CADPS2: variants seen among roughly 807,000 people sequenced by gnomAD.
CADPS2 encodes calcium dependent secretion activator 2.
CADPS2 carries 93 observed loss-of-function variants against 172.5 expected under a neutral mutation model. The ratio of observed to expected loss-of-function variants is 0.54; its 90% confidence interval spans 0.46 to 0.64. The LOEUF is 0.64. CADPS2 is among the 30% of genes least tolerant of loss of function. The pLI is 0.00. For synonymous variants in CADPS2, 546 were observed against 555.2 expected, an observed-to-expected ratio of 0.98 and a Z score of 0.23; for missense variants, 1,420 against 1,565.9, an observed-to-expected ratio of 0.91 and a Z score of 1.57.
At chr7:122,677,660 C>CAAT (rs1406356956) in intron 2 of CADPS2, among the ~76,000 whole-genome samples, 2 of 152,070 alleles carry the variant, frequency 1.3e-5, no homozygotes, top group African/African-American at 4.8e-5. Context: ...ACAACAACAA[C>CAAT]AATAAAAACC....
chr7:122,795,601 A>C (rs1339913387), intron 1 of CADPS2, among the ~76,000 whole-genome samples: 1 of 152,192 alleles, frequency 6.6e-6, no homozygotes, highest in Non-Finnish European at 1.5e-5. Flanking sequence ...AACAGAACTA[A>C]AGACAAAAAC....
chr7:122,332,520 G>A (rs1438195205), intron 28 of CADPS2, among the ~76,000 whole-genome samples: 6 of 151,516 alleles, frequency 4.0e-5, no homozygotes, highest in African/African-American at 1.5e-4. Flanking sequence ...TGTAAATTAA[G>A]AGTATCATGT....
intron 2 of CADPS2, among the ~76,000 whole-genome samples, chr7:122,707,479 C>T (rs764941682): frequency 6.6e-6 from 1 of 151,906 alleles, no homozygotes; most frequent in Non-Finnish European, 1.5e-5. Flanking sequence ...CAGATAAATA[C>T]AATCACATTG....
intron 2 of CADPS2, among the ~76,000 whole-genome samples, chr7:122,715,967 G>A (rs2089536923): frequency 6.6e-6 from 1 of 151,896 alleles, no homozygotes; most frequent in East Asian, 1.9e-4. Context: ...CATTGGGGGA[G>A]GGGAAAAAAC....
chr7:122,837,043 G>A (rs1233047127), intron 1 of CADPS2, among the ~76,000 whole-genome samples: 1 of 152,170 alleles, frequency 6.6e-6, no homozygotes, highest in Admixed American at 6.5e-5. Flanking sequence ...GCACTCCTCA[G>A]CAAATGTAAA....
chr7:122,563,822 G>A (rs2066059753), intron 7 of CADPS2, among the ~76,000 whole-genome samples: 1 of 152,054 alleles, frequency 6.6e-6, no homozygotes, highest in Admixed American at 6.6e-5. Context: ...GCTAATTCAT[G>A]GACTACTGAT....
intron 3 of CADPS2, among the ~76,000 whole-genome samples, chr7:122,642,998 T>G (rs1193040674): frequency 6.6e-6 from 1 of 152,236 alleles, no homozygotes; most frequent in Non-Finnish European, 1.5e-5. Context: ...TATGATGTTA[T>G]GCAAATTTGG....
chr7:122,375,865 A>G (rs2042276913), intron 25 of CADPS2, among the ~76,000 whole-genome samples: 2 of 151,858 alleles, frequency 1.3e-5, no homozygotes, highest in Non-Finnish European at 2.9e-5. Context: ...TATTTGTCTG[A>G]TAAGGAGTTG....
At chr7:122,469,664 T>G (rs767248600) in intron 14 of CADPS2, among the ~76,000 whole-genome samples, 2 of 152,174 alleles carry the variant, frequency 1.3e-5, no homozygotes, top group African/African-American at 2.4e-5. Flanking sequence ...CTTATTTTAT[T>G]GTAGGCTGAG....
chr7:122,861,518 A>G (rs1716958316), intron 1 of CADPS2, among the ~76,000 whole-genome samples: 1 of 152,200 alleles, frequency 6.6e-6, no homozygotes, highest in Admixed American at 6.5e-5. Context: ...TCAGATGCAC[A>G]GTTTATAATT....
chr7:122,633,518 A>T (rs1461413405), intron 3 of CADPS2, among the ~76,000 whole-genome samples: 1 of 152,120 alleles, frequency 6.6e-6, no homozygotes, highest in Non-Finnish European at 1.5e-5. Flanking sequence ...GATGTATAGA[A>T]GTTCTATTGA....
intron 28 of CADPS2, among the ~76,000 whole-genome samples, chr7:122,342,987 T>C (rs1445701232): frequency 6.6e-6 from 1 of 152,158 alleles, no homozygotes; most frequent in East Asian, 1.9e-4. Context: ...AATAATTACA[T>C]AATGTCTCTC....
At chr7:122,730,213 G>A (rs1243573981) in intron 2 of CADPS2, among the ~76,000 whole-genome samples, 1 of 151,578 alleles carries the variant, frequency 6.6e-6, no homozygotes, top group Non-Finnish European at 1.5e-5. Context: ...AAAGAAATAT[G>A]AATGACCAAT....
intron 1 of CADPS2, among the ~76,000 whole-genome samples, chr7:122,838,820 G>A (rs1011466601): frequency 4.6e-4 from 70 of 152,302 alleles, no homozygotes; most frequent in Middle Eastern, 3.4e-3. Context: ...TCATGGATAG[G>A]AAGAATCAAT....
intron 8 of CADPS2, among the ~76,000 whole-genome samples, chr7:122,529,068 G>A (rs1410697542): frequency 1.3e-5 from 2 of 151,916 alleles, no homozygotes; most frequent in Non-Finnish European, 2.9e-5. Context: ...CCATCTACTG[G>A]ACATATACAT....
chr7:122,478,376 T>C (rs941745458), intron 12 of CADPS2, among the ~76,000 whole-genome samples: 1 of 152,232 alleles, frequency 6.6e-6, no homozygotes, highest in African/African-American at 2.4e-5. Context: ...TAAATTGTGA[T>C]GATTAACCTA....
intron 20 of CADPS2, among the ~76,000 whole-genome samples, chr7:122,405,578 G>A (rs773266604): frequency 4.6e-5 from 7 of 152,118 alleles, no homozygotes; most frequent in African/African-American, 9.7e-5. Context: ...CATGAGAATC[G>A]CTTGAACTTC....
At position 122,495,697 on chromosome 7, in the gene CADPS2, C is replaced by A. The variant is rs143780711; in HGVS notation, c.1543-4277G>T. On this transcript the variant is annotated intron_variant, in intron 9 of 29. Coordinates refer to ENST00000449022, the MANE Select transcript of CADPS2 (RefSeq NM_017954.11). ...AGTGGAACTGCTAGGTTGTTGGGTG[C>A]ACAGATCTTCATCTTTACTGAATGT... Among the ~76,000 whole-genome samples, 968 of 152,240 alleles carry A rather than the reference C, an allele frequency of 6.4e-3. 10 individuals are homozygous for A. Among genetic ancestry groups the A allele is most frequent in the African/African-American group, 0.022 (899 of 41,548 alleles).
intron 9 of CADPS2, among the ~76,000 whole-genome samples, chr7:122,502,747 TC>T (rs1279302199): frequency 2.0e-5 from 3 of 152,148 alleles, no homozygotes; most frequent in African/African-American, 7.2e-5. Flanking sequence ...TCATTATTAT[TC>T]TAATTCTTCT....
Sources: allele counts gnomAD v4.1 joint callset (sites outside exome capture counted in the v4.1 genomes callset), GRCh38; gene constraint gnomAD v4.1.1; transcripts MANE v1.5; gene names NCBI Gene and HGNC (gene_info 2026-07-23, HGNC 2026-07-21).